Variants in ZFHX3 observed in about 807,000 individuals in gnomAD.
ZFHX3 encodes zinc finger homeobox protein 3.
ZFHX3 carries 42 observed loss-of-function variants against 279.1 expected under a neutral mutation model. The ratio of observed to expected loss-of-function variants is 0.15; its 90% confidence interval spans 0.12 to 0.19. The LOEUF (loss-of-function observed/expected upper bound fraction) is 0.19. Ranked by LOEUF, ZFHX3 falls within the 10% of genes least tolerant of loss-of-function variation. ZFHX3 has a pLI of 1.00. For synonymous variants in ZFHX3, 2,293 were observed against 1,957.8 expected, an observed-to-expected ratio of 1.17 and a Z score of -4.52; for missense variants, 4,981 against 4,754.0, an observed-to-expected ratio of 1.05 and a Z score of -1.40.
At chr16:72,976,675 T>G (rs1962361867) in intron 1 of ZFHX3, among the ~76,000 whole-genome samples, 1 of 152,238 alleles carries the variant, frequency 6.6e-6, no homozygotes, top group Non-Finnish European at 1.5e-5. Flanking sequence ...TTATCTGGGT[T>G]ACTGCTCGCC....
rs551456202 is a variant in ZFHX3, at chr16:73,152,341, T to C, written c.-1103-8510A>G. Among the ~76,000 whole-genome samples the C allele has an allele frequency of 6.6e-5, 10 of 152,296 alleles. No homozygotes were observed. The South Asian group carries it at 8.3e-4, about 13-fold the overall frequency. Reference sequence around the variant, plus strand: ...AGTTTTCTAGCTTTATCAAGGAAGATTATTTTTAACCCAAATTATTTTCCA... The same window carrying C: ...AGTTTTCTAGCTTTATCAAGGAAGACTATTTTTAACCCAAATTATTTTCCA... On this transcript the variant is annotated intron_variant, in intron 5 of 17. Coordinates refer to the ZFHX3 transcript ENST00000641206.
intron 3 of ZFHX3, among the ~76,000 whole-genome samples, chr16:73,448,684 A>AAGTGTGTGTGTGTGTG (rs1567487516): frequency 3.0e-5 from 2 of 66,798 alleles, no homozygotes; most frequent in African/African-American, 7.8e-5. Context: ...ATATTTATAT[A>AAGTGTGTGTGTGTGTG]CGTGTGTGTG....
intron 1 of ZFHX3, among the ~76,000 whole-genome samples, chr16:73,057,109 G>A (rs1011139919): frequency 4.6e-5 from 7 of 152,184 alleles, no homozygotes; most frequent in Admixed American, 6.5e-5. Flanking sequence ...ACAGTGCTTA[G>A]ATCAAGTTTC....
chr16:73,720,821 A>G (rs1298036009), intron 1 of ZFHX3, among the ~76,000 whole-genome samples: 1 of 152,238 alleles, frequency 6.6e-6, no homozygotes, highest in Non-Finnish European at 1.5e-5. Flanking sequence ...GAAAACATCT[A>G]GGAAATCTAG....
intron 1 of ZFHX3, among the ~76,000 whole-genome samples, chr16:73,859,426 A>G (rs1240128698): frequency 6.6e-6 from 1 of 152,210 alleles, no homozygotes; most frequent in Non-Finnish European, 1.5e-5. Context: ...TCTGCCTATC[A>G]GCCACCTGGT....
chr16:73,696,669 G>A (rs761737131), intron 1 of ZFHX3, among the ~76,000 whole-genome samples: 6 of 152,146 alleles, frequency 3.9e-5, no homozygotes, highest in Non-Finnish European at 7.4e-5. Flanking sequence ...TGTCAGCCCC[G>A]TCAAAGCCAG....
chr16:73,362,570 T>C (rs180735619), intron 3 of ZFHX3, among the ~76,000 whole-genome samples: 2 of 152,196 alleles, frequency 1.3e-5, no homozygotes, highest in Admixed American at 1.3e-4. Context: ...TGCAAATGAG[T>C]CACAAAGAAA....
At chr16:73,344,072 A>G (rs1017009737) in intron 3 of ZFHX3, among the ~76,000 whole-genome samples, 2 of 152,238 alleles carry the variant, frequency 1.3e-5, no homozygotes, top group Non-Finnish European at 2.9e-5. Flanking sequence ...TGTCACTTCA[A>G]AATATCTCTC....
At chr16:73,525,978 A>G (rs1195207288) in intron 2 of ZFHX3, among the ~76,000 whole-genome samples, 1 of 152,194 alleles carries the variant, frequency 6.6e-6, no homozygotes, top group Non-Finnish European at 1.5e-5. Flanking sequence ...TTAACTTTGT[A>G]CAATCCCTGC....
At chr16:73,548,616 T>TC (rs939589951) in intron 2 of ZFHX3, among the ~76,000 whole-genome samples, 1 of 150,216 alleles carries the variant, frequency 6.7e-6, no homozygotes, top group Non-Finnish European at 1.5e-5. Context: ...TATGTACATT[T>TC]TTTTAAAAAT....
rs531046488 is a variant in ZFHX3, at chr16:73,342,974, T to C, written c.-1290-24638A>G. 4.1e-3 allele frequency among the ~76,000 whole-genome samples: 622 copies of C among 152,202 alleles called. 3 individuals carry two copies. Among genetic ancestry groups the C allele is most frequent in the African/African-American group, 0.014 (561 of 41,540 alleles). ...CCCTCAGTCTAAATACTAAACAAAATATTGAAGTCTAGTTAGCAGGTATGT... is the reference window on the plus strand; with the variant it reads ...CCCTCAGTCTAAATACTAAACAAAACATTGAAGTCTAGTTAGCAGGTATGT... On this transcript the variant is annotated intron_variant, in intron 3 of 17. Coordinates refer to the ZFHX3 transcript ENST00000641206.
chr16:73,619,150 G>A (rs2052332891), intron 2 of ZFHX3, among the ~76,000 whole-genome samples: 1 of 152,078 alleles, frequency 6.6e-6, no homozygotes, highest in African/African-American at 2.4e-5. Context: ...TCTTCCCAAA[G>A]CTATATAAAT....
intron 2 of ZFHX3, among the ~76,000 whole-genome samples, chr16:73,475,198 A>G (rs1436719518): frequency 6.6e-6 from 1 of 152,238 alleles, no homozygotes; most frequent in African/African-American, 2.4e-5. Flanking sequence ...GGAATAATCA[A>G]AATTACGTAA....
At chr16:72,867,130 C>G (rs1057412706) in intron 4 of ZFHX3, among the ~76,000 whole-genome samples, 4 of 152,166 alleles carry the variant, frequency 2.6e-5, no homozygotes, top group African/African-American at 9.7e-5. Flanking sequence ...ACTAAGCCAG[C>G]ATGAGACTGT....
intron 4 of ZFHX3, among the ~76,000 whole-genome samples, chr16:73,292,948 A>G (rs1253710922): frequency 6.6e-6 from 1 of 152,240 alleles, no homozygotes; most frequent in Non-Finnish European, 1.5e-5. Flanking sequence ...TTTTGGAAGA[A>G]GCCAAGTCAA....
At chr16:73,579,081 C>A (rs1403505340) in intron 2 of ZFHX3, among the ~76,000 whole-genome samples, 2 of 152,190 alleles carry the variant, frequency 1.3e-5, no homozygotes, top group East Asian at 3.8e-4. Flanking sequence ...AAGCCCGCAC[C>A]TGGAAGCTTC....
At chr16:73,216,720 G>A (rs528656957) in intron 5 of ZFHX3, among the ~76,000 whole-genome samples, 2 of 151,854 alleles carry the variant, frequency 1.3e-5, no homozygotes, top group South Asian at 2.1e-4. Context: ...CTGAGATCGC[G>A]CCACTGCACT....
At chr16:73,330,163 G>C (rs1436751671) in intron 3 of ZFHX3, among the ~76,000 whole-genome samples, 1 of 152,174 alleles carries the variant, frequency 6.6e-6, no homozygotes, top group East Asian at 1.9e-4. Context: ...AGCAGGATGG[G>C]GGAAGAGAGG....
chr16:73,264,587 A>C lies in ZFHX3; in HGVS notation c.-1193-7451T>G, dbSNP rs368101990. Reference sequence around the variant, plus strand: ...GGAACAACCGACTTTTTTTTTTTTTAGTTTTTTATTTCTATATATTTGGGG... The same window carrying C: ...GGAACAACCGACTTTTTTTTTTTTTCGTTTTTTATTTCTATATATTTGGGG... On this transcript the variant is annotated intron_variant, in intron 4 of 17. Transcript: ENST00000641206. Among the ~76,000 whole-genome samples the C allele has an allele frequency of 3.4e-4, 51 of 148,982 alleles. No individual in the cohort carries two copies. The East Asian group carries it at 9.4e-3, about 27-fold the overall frequency.
Sources: gnomAD v4.1 joint callset for allele counts (sites outside exome capture counted in the v4.1 genomes callset) on GRCh38, gnomAD v4.1.1 for gene constraint, MANE v1.5 for transcripts, NCBI Gene and HGNC (gene_info 2026-07-23, HGNC 2026-07-21) for gene names.